The following PPP6R3 variants were observed in gnomAD, a reference collection of about 807,000 sequenced individuals.
PPP6R3 encodes protein phosphatase 6 regulatory subunit 3, also known as serine/threonine-protein phosphatase 6 regulatory subunit 3.
Under a neutral mutation model 110.7 loss-of-function variants are expected in PPP6R3, and 38 were observed. The ratio of observed to expected loss-of-function variants is 0.34; its 90% CI spans 0.26 to 0.45. The LOEUF (loss-of-function observed/expected upper bound fraction) is 0.45, where lower values mean the gene tolerates loss of function less well. PPP6R3 is among the 20% of genes least tolerant of loss of function. PPP6R3 has a pLI of 1.00. For synonymous variants in PPP6R3, 369 were observed against 373.5 expected (o/e 0.99, Z 0.14); for missense variants, 870 against 1,062.4 (o/e 0.82, Z 2.52).
chr11:68,573,579 A>T (rs1464975420), intron 12 of PPP6R3, among the ~76,000 whole-genome samples: 1 of 152,178 alleles, frequency 6.6e-6, no homozygotes, highest in Non-Finnish European at 1.5e-5. Flanking sequence ...ACTGTCTCCT[A>T]TCTTGGCCAA....
At chr11:68,461,021 C>T (rs1215977052) in intron 1 of PPP6R3, among the ~76,000 whole-genome samples, 194 bp downstream of exon 1, 2 of 151,840 alleles carry the variant, frequency 1.3e-5, no homozygotes, top group Non-Finnish European at 2.9e-5. Flanking sequence ...CGGCCGCTCC[C>T]CGTCCGCTCC....
rs777906905 is a variant in PPP6R3, at chr11:68,591,583, T to G, written c.1793T>G (p.Ile598Ser). The G allele has an allele frequency of 6.3e-7, 1 of 1,593,764 alleles. No individual in the cohort carries two copies. Among genetic ancestry groups the G allele is most frequent in the South Asian group, 1.2e-5 (1 of 86,368 alleles). ...FTLNTNESGN[I>S]ALFEACCKER... ...CCTCTCATTTTTATTTAGGGAAATA[T>G]TGCCTTGTTTGAAGCATGTTGTAAG... Residue 598 changes from isoleucine to serine, a missense_variant, in exon 18 of 24, where the codon ATT becomes AGT. Ile to Ser is a moderately radical substitution (Grantham distance 142, BLOSUM62 -2). Transcript: ENST00000393800.
At chr11:68,463,520 CTG>C (rs1163904627) in intron 1 of PPP6R3, among the ~76,000 whole-genome samples, 1 of 151,974 alleles carries the variant, frequency 6.6e-6, no homozygotes, top group Non-Finnish European at 1.5e-5. Context: ...GAGGCAGCCT[CTG>C]TGTGTGTTTG....
chr11:68,577,520 A>G (rs1048521144), intron 14 of PPP6R3, among the ~76,000 whole-genome samples: 1 of 152,260 alleles, frequency 6.6e-6, no homozygotes, highest in Non-Finnish European at 1.5e-5. Flanking sequence ...AAAAATGTCC[A>G]ATTAAGCTTG....
chr11:68,584,141 T>A (rs114161246), intron 15 of PPP6R3, among the ~76,000 whole-genome samples: 171 of 152,354 alleles, frequency 1.1e-3, no homozygotes, highest in African/African-American at 3.7e-3. Context: ...TTCTTGACAC[T>A]TCTGCCTTTG....
intron 18 of PPP6R3, 87 bp from the exon 19 acceptor site, chr11:68,596,010 T>C: frequency 6.5e-7 from 1 of 1,531,864 alleles, no homozygotes. Flanking sequence ...CACAGGACCT[T>C]TTGTTGCTGG....
chr11:68,599,919 T>G (rs917847606), intron 19 of PPP6R3, among the ~76,000 whole-genome samples: 1 of 152,110 alleles, frequency 6.6e-6, no homozygotes, highest in African/African-American at 2.4e-5. Flanking sequence ...GTCGGGATAT[T>G]GAGACCATCC....
At chr11:68,596,612 G>A (rs1336770748) in intron 19 of PPP6R3, among the ~76,000 whole-genome samples, 1 of 152,224 alleles carries the variant, frequency 6.6e-6, no homozygotes, top group East Asian at 1.9e-4. Flanking sequence ...GCCAGGGGAC[G>A]CAGCCTTAGC....
intron 1 of PPP6R3, among the ~76,000 whole-genome samples, chr11:68,497,885 C>T (rs2099027091): frequency 6.6e-6 from 1 of 152,084 alleles, no homozygotes; most frequent in Non-Finnish European, 1.5e-5. Context: ...TTGATTGCCT[C>T]ATTTTTAATG....
chr11:68,551,345 A>G (rs1032473586), intron 6 of PPP6R3, 159 bp downstream of exon 6: 6 of 596,864 alleles, frequency 1.0e-5, no homozygotes, highest in Non-Finnish European at 1.7e-5. Flanking sequence ...TTTCTAAACA[A>G]TATTACATTT....
At chr11:68,534,889 C>G (rs1364274554) in intron 2 of PPP6R3, among the ~76,000 whole-genome samples, 9 of 152,182 alleles carry the variant, frequency 5.9e-5, no homozygotes. Flanking sequence ...ACTTCTCTTC[C>G]TCTGGGGAAT....
chr11:68,485,149 T>G (rs533923013), intron 1 of PPP6R3, among the ~76,000 whole-genome samples: 1 of 152,070 alleles, frequency 6.6e-6, no homozygotes, highest in South Asian at 2.1e-4. Context: ...TATGTTAATA[T>G]AAATAATTTT....
intron 23 of PPP6R3, among the ~76,000 whole-genome samples, chr11:68,611,845 T>G (rs1384287834): frequency 6.6e-6 from 1 of 152,166 alleles, no homozygotes; most frequent in East Asian, 1.9e-4. Flanking sequence ...AGCTCACCCG[T>G]CTTTCCTGTG....
At chr11:68,515,058 C>G (rs1427770047) in intron 1 of PPP6R3, 1 of 152,098 alleles carries the variant, frequency 6.6e-6, no homozygotes, top group Non-Finnish European at 1.5e-5. Flanking sequence ...TCTCCCAGGA[C>G]CAGATGTGGA....
chr11:68,481,665 A>G (rs530147626), intron 1 of PPP6R3, among the ~76,000 whole-genome samples: 1 of 152,222 alleles, frequency 6.6e-6, no homozygotes, highest in Admixed American at 6.5e-5. Flanking sequence ...TCTGTTTACC[A>G]TATTGTCAGG....
At chr11:68,557,969 G>A (rs1593113385) in intron 7 of PPP6R3, among the ~76,000 whole-genome samples, 1 of 152,208 alleles carries the variant, frequency 6.6e-6, no homozygotes, top group Non-Finnish European at 1.5e-5. Flanking sequence ...AGAGCCTGCA[G>A]ATAATGCTTT....
intron 1 of PPP6R3, among the ~76,000 whole-genome samples, chr11:68,515,642 AC>A (rs2099132790): frequency 6.6e-6 from 1 of 152,106 alleles, no homozygotes; most frequent in African/African-American, 2.4e-5. Context: ...CGAGATTATG[AC>A]CCAGACTTTC....
intron 2 of PPP6R3, among the ~76,000 whole-genome samples, chr11:68,534,746 G>T (rs537246728): frequency 6.6e-6 from 1 of 152,210 alleles, no homozygotes; most frequent in South Asian, 2.1e-4. Flanking sequence ...GTGTGGGGAA[G>T]AGTAGTAAAA....
At chr11:68,461,496 G>C (rs1041665781) in intron 1 of PPP6R3, among the ~76,000 whole-genome samples, 34 of 85,898 alleles carry the variant, frequency 4.0e-4, no homozygotes, top group African/African-American at 1.5e-3. Context: ...GCCGGGGGTG[G>C]GGGGGGTGGG....
Sources: gnomAD v4.1 joint callset for allele counts (sites outside exome capture counted in the v4.1 genomes callset) on GRCh38, gnomAD v4.1.1 for gene constraint, MANE v1.5 for transcripts, NCBI Gene and HGNC (gene_info 2026-07-23, HGNC 2026-07-21) for gene names.